The following HID1 variants were observed in gnomAD, a reference collection of about 807,000 sequenced individuals.
HID1 encodes HID1 domain containing, also known as protein HID1.
A neutral mutation model predicts 89.7 loss-of-function variants in HID1; 42 were observed. The ratio of observed to expected loss-of-function variants is 0.47; its 90% CI spans 0.37 to 0.61. The LOEUF is 0.61. Among genes scored for constraint, HID1 ranks in the 20% least tolerant of loss-of-function variants. HID1 has a pLI of 0.00. For missense variants in HID1, 854 were observed against 1,039.3 expected (o/e 0.82, Z 2.45); for synonymous variants, 442 against 433.8 (o/e 1.02, Z -0.24).
rs996818281 is a variant in HID1, at chr17:74,962,792, G to A, written c.504+173C>T. Reference sequence around the variant, plus strand: ...CAGCGGGCAGGGCCAGCCCCAGCTGGCTTCCCTCAGCTGTACCAGCTGCCA... The same window carrying A: ...CAGCGGGCAGGGCCAGCCCCAGCTGACTTCCCTCAGCTGTACCAGCTGCCA... On this transcript the variant is annotated intron_variant, in intron 4 of 18. Coordinates refer to ENST00000425042, the MANE Select transcript of HID1 (RefSeq NM_030630.3). The surrounding 1 kb of genome is among the most constrained non-coding windows in gnomAD (Gnocchi z 4.3). 6.6e-6 allele frequency among the ~76,000 whole-genome samples: 1 copy of A among 152,190 alleles called. No individual in the cohort carries two copies. Among genetic ancestry groups the A allele is most frequent in the African/African-American group, 2.4e-5 (1 of 41,446 alleles).
rs1268753868 is a variant in HID1 at position 74,954,342 on chromosome 17, T to A, written c.1660A>T (p.Ile554Phe). 7 of 1,574,214 alleles carry A rather than the reference T, an allele frequency of 4.4e-6. No individual in the cohort carries two copies. The highest frequency in any genetic ancestry group is 5.2e-6 in the Non-Finnish European group (6 of 1,160,326). Reference protein sequence around the residue: ...FDGNSNLVYAIIRKRSIFHQL... With the variant: ...FDGNSNLVYAFIRKRSIFHQL... The stretch of plus-strand genomic sequence containing the variant: ...TGGAAGATGCTGCGCTTGCGGATGA[T>A]GGCGTAGACCAGGTTGGAGTTGCCT... Residue 554 changes from isoleucine to phenylalanine, a missense_variant, in exon 14 of 19, where the codon ATC becomes TTC. Transcript: ENST00000425042.
chr17:74,951,383 T>A lies in HID1; in HGVS notation c.*187A>T, dbSNP rs751641866. 4 of 610,346 alleles carry A rather than the reference T, an allele frequency of 6.6e-6. No homozygotes were observed. In the South Asian group the frequency reaches 7.9e-5, roughly 12 times the overall value. 37.8% of individuals were successfully genotyped at this position (610,346 alleles called of 1,614,324 possible). On this transcript the variant is annotated 3_prime_UTR_variant, in exon 19 of 19. Transcript: ENST00000425042. ...GGCTCCTGTGAGTCCAGCCTAGGGG[T>A]TGAGGGGGATCTGAGCCAGTTCACA...
chr17:74,963,398 A>T (rs1244345202), intron 3 of HID1: 1 of 476,852 alleles, frequency 2.1e-6, no homozygotes, highest in Non-Finnish European at 3.8e-6. Flanking sequence ...CCTGGACATA[A>T]ACCCAGGGCA....
chr17:74,964,068 G>T, intron 2 of HID1, 158 bp from the exon 3 acceptor site: 1 of 728,454 alleles, frequency 1.4e-6, no homozygotes, highest in Non-Finnish European at 2.2e-6. Context: ...GAGCCACCTG[G>T]AGTTGGGGTC....
At position 74,955,838 on chromosome 17, in the gene HID1, G is replaced by T; in HGVS notation, c.1590C>A (p.Phe530Leu). 2 of 1,614,220 alleles carry T rather than the reference G, an allele frequency of 1.2e-6. No individual in the cohort carries two copies. Among genetic ancestry groups the T allele is most frequent in the South Asian group, 1.1e-5 (1 of 91,088 alleles). The change falls in exon 13 of 19, where the codon TTC (phenylalanine) becomes TTA (leucine). Residue 530 changes from phenylalanine to leucine, a missense_variant. Transcript: ENST00000425042. ...TGTTGTTGAAGACCTCCAGGAGGAA[G>T]AAGACCAGGTGGTGGTTCTGGGCGG... Reference protein sequence around the residue: ...FSAAQNHHLVFFLLEVFNNII... With the variant: ...FSAAQNHHLVLFLLEVFNNII...
intron 3 of HID1, 57 bp downstream of exon 3, chr17:74,963,683 C>A: frequency 6.7e-7 from 1 of 1,499,556 alleles, no homozygotes; most frequent in Non-Finnish European, 9.0e-7. Context: ...CCCTAAAGGG[C>A]GCTCTCCCTG....
Position 74,963,085 on chromosome 17 carries a change from G to A in HID1, c.388-4C>T. On this transcript the variant is annotated splice_region_variant and splice_polypyrimidine_tract_variant and intron_variant, in intron 3 of 18. Transcript: ENST00000425042. Reference sequence around the variant, plus strand: ...GCTCATCATCCTCTTCTCCCTGCTGGGGACACAGCACCCACAGGCTGCCTC... The same window carrying A: ...GCTCATCATCCTCTTCTCCCTGCTGAGGACACAGCACCCACAGGCTGCCTC... 6.3e-7 allele frequency: 1 copy of A among 1,591,458 alleles called. No homozygotes were observed. The highest frequency in any genetic ancestry group is 1.1e-5 in the South Asian group (1 of 88,836).
chr17:74,953,144 G>C (rs115297072), intron 15 of HID1, 58 bp from the exon 16 acceptor site: 8 of 1,323,572 alleles, frequency 6.0e-6, no homozygotes, highest in South Asian at 3.9e-5. Flanking sequence ...GGGGTGGAGT[G>C]GGGGGCAATG....
In HID1 at chr17:74,959,814, C is replaced by G. The variant is rs776860796; in HGVS notation, c.1008+67G>C. The G allele has an allele frequency of 2.6e-6, 4 of 1,519,268 alleles. No homozygotes were observed. The African/African-American group carries it at 4.1e-5, about 16-fold the overall frequency. 94.1% of individuals were successfully genotyped at this position (1,519,268 alleles called of 1,614,324 possible). On this transcript the variant is annotated intron_variant, in intron 8 of 18. Transcript: ENST00000425042. The surrounding 1 kb of genome is among the most constrained non-coding windows in gnomAD (Gnocchi z 4.6). ...GGTTCCTTCATGGAGGGGTCAGGAT[C>G]CCCCATATCCCTGTCTCACTTGCAT...
Position 74,952,375 on chromosome 17 carries a change from G to A in HID1, c.2053-15C>T, listed in dbSNP as rs979186606. 6.2e-7 allele frequency: 1 copy of A among 1,608,586 alleles called. No individual in the cohort carries two copies. The highest frequency in any genetic ancestry group is 1.3e-5 in the African/African-American group (1 of 74,784). On this transcript the variant is annotated splice_polypyrimidine_tract_variant and intron_variant, in intron 16 of 18. Coordinates refer to ENST00000425042, the MANE Select transcript of HID1 (RefSeq NM_030630.3). ...CAGGAGAGGACCTGGCGAGGGACGGGGTTCCTGGGGCTGAGAAAGCAGCCC... is the reference window on the plus strand; with the variant it reads ...CAGGAGAGGACCTGGCGAGGGACGGAGTTCCTGGGGCTGAGAAAGCAGCCC...
chr17:74,964,566 C>T lies in HID1; in HGVS notation c.133G>A (p.Asp45Asn). ...GCTGCCGGCACCAGTGCAAACACATCCTGCACCGAGGTGGCTGTGTCTGCC... is the reference window on the plus strand; with the variant it reads ...GCTGCCGGCACCAGTGCAAACACATTCTGCACCGAGGTGGCTGTGTCTGCC... ...FWADTATSVQ[D>N]VFALVPAAEI... The change falls in exon 2 of 19, where the codon GAT becomes AAT. Residue 45 changes from aspartate to asparagine, a missense_variant. By Grantham distance (23) the Asp-to-Asn change is conservative. Transcript: ENST00000425042. 1 of 1,611,868 alleles carries T rather than the reference C, an allele frequency of 6.2e-7. No homozygotes were observed. Among genetic ancestry groups the T allele is most frequent in the Non-Finnish European group, 8.5e-7 (1 of 1,179,274 alleles).
chr17:74,953,731 T>G lies in HID1; in HGVS notation c.1865-80A>C, dbSNP rs1378018686. On this transcript the variant is annotated intron_variant, in intron 14 of 18. Transcript: ENST00000425042. ...CCTTCCTCCACCCACTTTTTTATTTTTATTTGTTTTACTCCTGCTTCCCTC... is the reference window on the plus strand; with the variant it reads ...CCTTCCTCCACCCACTTTTTTATTTGTATTTGTTTTACTCCTGCTTCCCTC... The G allele has an allele frequency of 6.2e-6, 7 of 1,137,794 alleles. No homozygotes were observed. The East Asian group carries it at 1.7e-4, about 28-fold the overall frequency. The allele number at this position is 1,137,794 out of a possible 1,614,324, so 70.5% of individuals were successfully genotyped here. A position where few individuals can be genotyped will look rare whatever the true frequency, so the allele number is the denominator to read the frequency against.
At chr17:74,967,650 G>T (rs1282376988) in intron 1 of HID1, among the ~76,000 whole-genome samples, 1 of 151,976 alleles carries the variant, frequency 6.6e-6, no homozygotes, top group Non-Finnish European at 1.5e-5. Flanking sequence ...AGGAGTTTGA[G>T]ACCAGCCTGA....
chr17:74,959,161 C>T lies in HID1; in HGVS notation c.1009-110G>A. 1 of 1,296,170 alleles carries T rather than the reference C, an allele frequency of 7.7e-7. No individual in the cohort carries two copies. The highest frequency in any genetic ancestry group is 1.0e-6 in the Non-Finnish European group (1 of 974,586). The allele number at this position is 1,296,170 out of a possible 1,614,324, so 80.3% of individuals were successfully genotyped here. A position where few individuals can be genotyped will look rare whatever the true frequency, so the allele number is the denominator to read the frequency against. ...CCCTCCATCCCCCAGAGCCAGATCC[C>T]ACCTCCAGAGCCAGAGGGCCCAGAT... On this transcript the variant is annotated intron_variant, in intron 8 of 18. Transcript: ENST00000425042. The surrounding 1 kb of genome is among the most constrained non-coding windows in gnomAD (Gnocchi z 4.6).
chr17:74,952,113 C>T lies in HID1; in HGVS notation c.2145-50G>A, dbSNP rs372788687. On this transcript the variant is annotated intron_variant, in intron 17 of 18. Coordinates refer to ENST00000425042, the MANE Select transcript of HID1 (RefSeq NM_030630.3). Reference sequence around the variant, plus strand: ...CACACTCACGTGGTCCAGGGGAGCACGGGGCTCACCCTGGCCACCCAAGAC... The same window carrying T: ...CACACTCACGTGGTCCAGGGGAGCATGGGGCTCACCCTGGCCACCCAAGAC... The T allele has an allele frequency of 5.6e-5, 86 of 1,542,740 alleles. 1 individual carries two copies. In the African/African-American group the frequency reaches 1.1e-3, roughly 19 times the overall value.
rs2039503829 is a variant in HID1 at position 74,962,863 on chromosome 17, C to T, written c.504+102G>A. On this transcript the variant is annotated intron_variant, in intron 4 of 18. Coordinates refer to ENST00000425042, the MANE Select transcript of HID1 (RefSeq NM_030630.3). This position sits in a 1 kb window ranked among gnomAD's most constrained non-coding sequence, Gnocchi z 4.3. ...GCAGCTCAGCTCTCCTGGAGCCCCC[C>T]GGCCCCCAGTGCAATCCGCCCAAGG... is the stretch of plus-strand genomic sequence containing the variant. 4.9e-6 allele frequency: 4 copies of T among 811,640 alleles called. No homozygotes were observed. The highest frequency in any genetic ancestry group is 2.6e-5 in the East Asian group (1 of 38,270). 50.3% of individuals were successfully genotyped at this position (811,640 alleles called of 1,614,324 possible). A position where few individuals can be genotyped will look rare whatever the true frequency, so the allele number is the denominator to read the frequency against.
intron 12 of HID1, among the ~76,000 whole-genome samples, chr17:74,956,340 C>T (rs192309917): frequency 7.2e-4 from 110 of 152,282 alleles, no homozygotes; most frequent in South Asian, 4.1e-4. Context: ...ATGAAATGAT[C>T]GGGCAGGGAT....
At chr17:74,955,055 G>A (rs1305228460) in intron 13 of HID1, 1 of 157,040 alleles carries the variant, frequency 6.4e-6, no homozygotes, top group Non-Finnish European at 1.4e-5. Flanking sequence ...TCTGAGACCA[G>A]GACCCTTAGA....
At chr17:74,963,226 G>C (rs572457277) in intron 3 of HID1, 145 bp from the exon 4 acceptor site, 1 of 598,950 alleles carries the variant, frequency 1.7e-6, no homozygotes, top group Non-Finnish European at 2.9e-6. Flanking sequence ...TGGACTCCTG[G>C]TTGCCCCAAA....
Sources: gnomAD v4.1 joint callset for allele counts (sites outside exome capture counted in the v4.1 genomes callset) on GRCh38, gnomAD v4.1.1 for gene constraint, Gnocchi (gnomAD v3.1) non-coding constraint, MANE v1.5 for transcripts, NCBI Gene and HGNC (gene_info 2026-07-23, HGNC 2026-07-21) for gene names.